The following HIVEP3 variants were observed in gnomAD, a reference collection of about 807,000 sequenced individuals.
HIVEP3 encodes the protein transcription factor HIVEP3.
Under a neutral mutation model 152.8 loss-of-function variants are expected in HIVEP3, and 49 were observed. The ratio of observed to expected loss-of-function variants is 0.32; its 90% CI spans 0.26 to 0.41. The LOEUF (loss-of-function observed/expected upper bound fraction) is 0.41, where lower values mean the gene tolerates loss of function less well. HIVEP3 is among the 10% of genes least tolerant of loss of function. The probability of loss-of-function intolerance (pLI) is 1.00; values close to 1 mark genes in which losing one functional copy is unlikely to be tolerated. For synonymous variants in HIVEP3, 1,269 were observed against 1,289.0 expected (o/e 0.98, Z 0.33); for missense variants, 2,790 against 3,103.3 (o/e 0.90, Z 2.40).
At position 41,787,776 on chromosome 1, in the gene HIVEP3, C is replaced by T. The variant is rs541080676; in HGVS notation, c.-800-86781G>A. ...TCTCAGACTTCTGGGCTCAAGCGATCCTCTTGCCTCAACCTACTAAGATGC... is the reference window on the plus strand; with the variant it reads ...TCTCAGACTTCTGGGCTCAAGCGATTCTCTTGCCTCAACCTACTAAGATGC... On this transcript the variant is annotated intron_variant, in intron 1 of 8. Coordinates refer to ENST00000372583, the MANE Select transcript of HIVEP3 (RefSeq NM_024503.5). Among the ~76,000 whole-genome samples, 3 of 151,762 alleles carry T rather than the reference C, an allele frequency of 2.0e-5. No individual in the cohort carries two copies. In the East Asian group the frequency reaches 5.8e-4, roughly 29 times the overall value.
At chr1:41,595,121 A>C (rs776286578) in intron 3 of HIVEP3, among the ~76,000 whole-genome samples, 1 of 152,196 alleles carries the variant, frequency 6.6e-6, no homozygotes, top group Non-Finnish European at 1.5e-5. Context: ...CCATGTGAAT[A>C]TTGTAAATCT....
rs150315448 is a variant in HIVEP3, at chr1:41,907,361, A to T, written c.-801+11052T>A. On this transcript the variant is annotated intron_variant, in intron 1 of 8. Transcript: ENST00000372583. The stretch of plus-strand genomic sequence containing the variant: ...AGCCAATGCCCTACTACTCTGCGGT[A>T]GCAGCAAGGTGAGCTCTTACCACCT... Among the ~76,000 whole-genome samples, 669 of 152,320 alleles carry T rather than the reference A, an allele frequency of 4.4e-3. 3 individuals carry two copies. The highest frequency in any genetic ancestry group is 0.018 in the South Asian group (87 of 4,822).
chr1:41,681,758 G>A (rs1170339871), intron 2 of HIVEP3, among the ~76,000 whole-genome samples: 1 of 152,202 alleles, frequency 6.6e-6, no homozygotes, highest in African/African-American at 2.4e-5. Flanking sequence ...GGCTGGGAGG[G>A]AAACCTTGTG....
At chr1:41,871,144 T>C (rs1422236928) in intron 1 of HIVEP3, among the ~76,000 whole-genome samples, 2 of 152,208 alleles carry the variant, frequency 1.3e-5, no homozygotes, top group Non-Finnish European at 2.9e-5. Flanking sequence ...AGATTTCCTA[T>C]TACAAAATGA....
intron 1 of HIVEP3, among the ~76,000 whole-genome samples, chr1:41,702,242 A>C (rs1042333877): frequency 2.0e-5 from 3 of 152,212 alleles, no homozygotes; most frequent in Non-Finnish European, 4.4e-5. Flanking sequence ...CAGCAGCAGC[A>C]GCAGCACCAC....
chr1:41,949,458 C>T (rs1361234148), intron 1 of HIVEP3, among the ~76,000 whole-genome samples: 2 of 152,162 alleles, frequency 1.3e-5, no homozygotes, highest in East Asian at 1.9e-4. Context: ...AATCGAAGAG[C>T]TTTAGACTTT....
intron 1 of HIVEP3, among the ~76,000 whole-genome samples, chr1:41,956,296 G>C (rs1645140053): frequency 6.6e-6 from 1 of 152,218 alleles, no homozygotes; most frequent in Non-Finnish European, 1.5e-5. Flanking sequence ...GGCTGTTGTA[G>C]TTAACAGAAA....
intron 1 of HIVEP3, among the ~76,000 whole-genome samples, chr1:42,023,527 G>T (rs951914324): frequency 6.6e-6 from 1 of 152,150 alleles, no homozygotes; most frequent in Non-Finnish European, 1.5e-5. Context: ...CTGGTGGGAG[G>T]TGATTGGATC....
chr1:41,715,590 A>G (rs1646580319), intron 1 of HIVEP3, among the ~76,000 whole-genome samples: 1 of 152,224 alleles, frequency 6.6e-6, no homozygotes, highest in South Asian at 2.1e-4. Context: ...AGGATTAGAA[A>G]GAGGCCTGGT....
chr1:41,827,238 G>A (rs1256828265), intron 1 of HIVEP3, among the ~76,000 whole-genome samples: 2 of 152,112 alleles, frequency 1.3e-5, no homozygotes, highest in Non-Finnish European at 2.9e-5. Context: ...CATTAAAATC[G>A]CCTTTTCCAT....
intron 1 of HIVEP3, among the ~76,000 whole-genome samples, chr1:41,708,210 C>T (rs555956949): frequency 6.6e-6 from 1 of 152,242 alleles, no homozygotes; most frequent in African/African-American, 2.4e-5. Context: ...AGTGACCAGC[C>T]CCATGCAGTT....
intron 2 of HIVEP3, among the ~76,000 whole-genome samples, chr1:41,638,722 G>A (rs917969310): frequency 1.3e-5 from 2 of 152,226 alleles, no homozygotes; most frequent in East Asian, 1.9e-4. Context: ...CCAAAATCAT[G>A]AGGAGGGAGG....
At chr1:41,910,587 T>C (rs946427144) in intron 1 of HIVEP3, among the ~76,000 whole-genome samples, 8 of 152,020 alleles carry the variant, frequency 5.3e-5, no homozygotes, top group African/African-American at 1.4e-4. Context: ...CTCATGAAGA[T>C]AGATATAAAA....
At chr1:41,672,542 C>T (rs545377410) in intron 2 of HIVEP3, among the ~76,000 whole-genome samples, 1 of 152,358 alleles carries the variant, frequency 6.6e-6, no homozygotes, top group South Asian at 2.1e-4. Flanking sequence ...CTACACATCA[C>T]CTTGCTTTAT....
intron 2 of HIVEP3, among the ~76,000 whole-genome samples, chr1:41,700,428 C>T (rs1332765610): frequency 6.6e-6 from 1 of 152,172 alleles, no homozygotes; most frequent in Non-Finnish European, 1.5e-5. Flanking sequence ...ACAGCTCAGT[C>T]CAGGATCTCT....
intron 1 of HIVEP3, among the ~76,000 whole-genome samples, chr1:41,730,899 G>T (rs929247119): frequency 2.0e-5 from 3 of 152,140 alleles, no homozygotes; most frequent in South Asian, 2.1e-4. Flanking sequence ...GGCTTCCTGT[G>T]GGGGGTGAAT....
intron 6 of HIVEP3, among the ~76,000 whole-genome samples, chr1:41,520,640 G>A (rs1236775012): frequency 3.9e-5 from 6 of 152,322 alleles, no homozygotes; most frequent in African/African-American, 1.4e-4. Flanking sequence ...GCTCATTCTG[G>A]CTATTACCTC....
At chr1:41,614,818 C>T (rs1268889767) in intron 3 of HIVEP3, among the ~76,000 whole-genome samples, 2 of 152,158 alleles carry the variant, frequency 1.3e-5, no homozygotes, top group Non-Finnish European at 2.9e-5. Flanking sequence ...GCACAGTCTC[C>T]GTGTTCTGAT....
At chr1:41,627,572 G>A (rs6664114) in intron 3 of HIVEP3, among the ~76,000 whole-genome samples, 1,926 of 152,228 alleles carry the variant, frequency 0.013, 46 homozygotes, top group African/African-American at 0.043. Flanking sequence ...TAGCCACCCC[G>A]AAGTCCAGGC....
Sources: allele counts gnomAD v4.1 joint callset (sites outside exome capture counted in the v4.1 genomes callset), GRCh38; gene constraint gnomAD v4.1.1; transcripts MANE v1.5; gene names NCBI Gene and HGNC (gene_info 2026-07-23, HGNC 2026-07-21).